Variants in PPARGC1B observed in about 807,000 individuals in gnomAD.
PPARGC1B encodes the protein PPARG coactivator 1 beta, also known as peroxisome proliferator-activated receptor gamma coactivator 1-beta.
Under a neutral mutation model 101.6 loss-of-function variants are expected in PPARGC1B, and 34 were observed. That is an observed-to-expected ratio of 0.33 (90% CI 0.25 to 0.45). The LOEUF is 0.45. Among genes scored for constraint, PPARGC1B ranks in the 20% least tolerant of loss-of-function variants. The probability of loss-of-function intolerance (pLI) is 1.00; values close to 1 mark genes in which losing one functional copy is unlikely to be tolerated. For missense variants in PPARGC1B, 1,234 were observed against 1,317.6 expected (o/e 0.94, Z 0.98); for synonymous variants, 548 against 539.3 (o/e 1.02, Z -0.22).
At chr5:149,805,014 G>T (rs1035425801) in intron 1 of PPARGC1B, among the ~76,000 whole-genome samples, 2 of 152,200 alleles carry the variant, frequency 1.3e-5, no homozygotes, top group East Asian at 1.9e-4. Context: ...CCTGGTATCC[G>T]CTCTGCCTCC....
intron 1 of PPARGC1B, among the ~76,000 whole-genome samples, chr5:149,791,313 T>C (rs546570043): frequency 6.6e-6 from 1 of 151,794 alleles, no homozygotes; most frequent in East Asian, 1.9e-4. Context: ...AAAATTTCTA[T>C]TAAAAAAACT....
chr5:149,812,419 A>G (rs1457170521), intron 1 of PPARGC1B, among the ~76,000 whole-genome samples: 1 of 151,158 alleles, frequency 6.6e-6, no homozygotes, highest in Non-Finnish European at 1.5e-5. Context: ...TTTGGAAGAC[A>G]TGGAAAGATT....
rs564048078 is a variant in PPARGC1B at position 149,837,468 on chromosome 5, G to A, written c.2618+395G>A. Among the ~76,000 whole-genome samples the A allele has an allele frequency of 6.6e-6, 1 of 152,218 alleles. No homozygotes were observed. The highest frequency in any genetic ancestry group is 2.4e-5 in the African/African-American group (1 of 41,454). ...CTGCCCCAACAGTTTGAATTCTAGG[G>A]ATGTTTATAAGTAAAAGAAAGATTA... On this transcript the variant is annotated intron_variant, in intron 8 of 11. Coordinates refer to ENST00000309241, the MANE Select transcript of PPARGC1B (RefSeq NM_133263.4). The surrounding 1 kb of genome is among the most constrained non-coding windows in gnomAD (Gnocchi z 4.2).
At chr5:149,797,441 A>G (rs59896081) in intron 1 of PPARGC1B, among the ~76,000 whole-genome samples, 4,226 of 152,338 alleles carry the variant, frequency 0.028, 181 homozygotes, top group African/African-American at 0.094. Flanking sequence ...ACAGTTGTTC[A>G]AGATATCTAC....
intron 2 of PPARGC1B, among the ~76,000 whole-genome samples, chr5:149,823,787 G>C (rs59806347): frequency 0.076 from 11,546 of 152,126 alleles, 543 homozygotes; most frequent in East Asian, 0.16. Context: ...GGAGAGGTCG[G>C]GAGAAGGAGA....
At chr5:149,754,818 G>C (rs906119465) in intron 1 of PPARGC1B, among the ~76,000 whole-genome samples, 1 of 114,044 alleles carries the variant, frequency 8.8e-6, no homozygotes, top group Admixed American at 1.2e-4. Context: ...GTCTTGCTCT[G>C]TCACCCAGGC....
At position 149,845,678 on chromosome 5, in the gene PPARGC1B, G is replaced by A. The variant is rs545381704; in HGVS notation, c.2817-82G>A. On this transcript the variant is annotated intron_variant, in intron 10 of 11. Coordinates refer to ENST00000309241, the MANE Select transcript of PPARGC1B (RefSeq NM_133263.4). Reference sequence around the variant, plus strand: ...TGGGTATCGAATCACTGTGGCAGTCGGTTCCTCATCTAGTAATGGGTGGTC... The same window carrying A: ...TGGGTATCGAATCACTGTGGCAGTCAGTTCCTCATCTAGTAATGGGTGGTC... The A allele has an allele frequency of 1.9e-5, 27 of 1,426,430 alleles. No individual in the cohort carries two copies. The African/African-American group carries it at 2.1e-4, about 11-fold the overall frequency. The allele number at this position is 1,426,430 out of a possible 1,614,324, so 88.4% of individuals were successfully genotyped here.
At position 149,842,365 on chromosome 5, in the gene PPARGC1B, C is replaced by T; in HGVS notation, c.2804C>T (p.Thr935Ile). Residue 935 changes from threonine (T) to isoleucine (I), a missense_variant, in exon 10 of 12, where the codon ACA (threonine) becomes ATA (isoleucine). Thr to Ile is a moderately conservative substitution (Grantham distance 89). Coordinates refer to ENST00000309241, the MANE Select transcript of PPARGC1B (RefSeq NM_133263.4). Reference protein sequence around the residue: ...FGEIEECEVLTRNRRGEKYGF... With the variant: ...FGEIEECEVLIRNRRGEKYGF... ...GAGATTGAGGAGTGCGAGGTGCTGA[C>T]AAGAAATAGGAGGTGAGTTGAACCA... is the stretch of plus-strand genomic sequence containing the variant. 1 of 1,613,800 alleles carries T rather than the reference C, an allele frequency of 6.2e-7. No homozygotes were observed. The highest frequency in any genetic ancestry group is 8.5e-7 in the Non-Finnish European group (1 of 1,179,822).
chr5:149,799,995 G>A (rs932527315), intron 1 of PPARGC1B, among the ~76,000 whole-genome samples: 3 of 152,004 alleles, frequency 2.0e-5, no homozygotes, highest in Admixed American at 1.3e-4. Context: ...CATTGCGCTT[G>A]GCTGGAATTG....
chr5:149,841,558 C>T (rs1344859119), intron 9 of PPARGC1B, among the ~76,000 whole-genome samples: 1 of 152,170 alleles, frequency 6.6e-6, no homozygotes, highest in Non-Finnish European at 1.5e-5. Context: ...TGTGTTTTTC[C>T]TATGGGAACA....
At chr5:149,778,439 G>T (rs554615454) in intron 1 of PPARGC1B, among the ~76,000 whole-genome samples, 1 of 152,066 alleles carries the variant, frequency 6.6e-6, no homozygotes, top group African/African-American at 2.4e-5. Context: ...CAGAAGCGGG[G>T]CTCTTGGGCT....
rs1417643051 is a variant in PPARGC1B at position 149,852,662 on chromosome 5, C to G, written c.*5104C>G. 1 of 151,634 alleles carries G rather than the reference C, an allele frequency of 6.6e-6. No homozygotes were observed. Among genetic ancestry groups the G allele is most frequent in the East Asian group, 1.9e-4 (1 of 5,198 alleles). 9.4% of individuals were successfully genotyped at this position (151,634 alleles called of 1,614,324 possible). A position where few individuals can be genotyped will look rare whatever the true frequency, so the allele number is the denominator to read the frequency against. On this transcript the variant is annotated 3_prime_UTR_variant, in exon 12 of 12. Coordinates refer to ENST00000309241, the MANE Select transcript of PPARGC1B (RefSeq NM_133263.4). ...ATAGCTGTTAATCCGAATGTTGTGA[C>G]CATTTGGCTGTTTCTCTCTTGTTCT...
chr5:149,857,659 C>T (rs1212198960), downstream of PPARGC1B, among the ~76,000 whole-genome samples: 23 of 152,178 alleles, frequency 1.5e-4, 1 homozygote, highest in Admixed American at 1.5e-3. Context: ...GAGCAGGGCC[C>T]ATGCGTCAGG....
intron 1 of PPARGC1B, among the ~76,000 whole-genome samples, chr5:149,757,752 A>C (rs570095947): frequency 6.6e-6 from 1 of 152,296 alleles, no homozygotes; most frequent in South Asian, 2.1e-4. Flanking sequence ...GGTTTCCAGA[A>C]TTGGAAAGGC....
chr5:149,768,202 G>A lies in PPARGC1B; in HGVS notation c.78+37782G>A, dbSNP rs530893305. On this transcript the variant is annotated intron_variant, in intron 1 of 11. Transcript: ENST00000309241. ...TTCCGCCTTGATTTTAATCCAGAAC[G>A]TATGGAGATTTGAAGTTGTCACAAA... Among the ~76,000 whole-genome samples, 19 of 152,278 alleles carry A rather than the reference G, an allele frequency of 1.2e-4. No homozygotes were observed. In the South Asian group the frequency reaches 2.3e-3, roughly 18 times the overall value.
chr5:149,772,999 A>G (rs979797030), intron 1 of PPARGC1B, among the ~76,000 whole-genome samples: 37 of 152,030 alleles, frequency 2.4e-4, no homozygotes, highest in Non-Finnish European at 4.9e-4. Flanking sequence ...GCGTTGCAGG[A>G]GGTGTTTGGG....
intron 1 of PPARGC1B, among the ~76,000 whole-genome samples, chr5:149,784,800 C>T (rs1756739442): frequency 1.3e-5 from 2 of 151,950 alleles, no homozygotes; most frequent in Non-Finnish European, 2.9e-5. Flanking sequence ...ATCTCCTGAC[C>T]TTGTCATCCG....
At chr5:149,749,943 G>A (rs767493240) in intron 1 of PPARGC1B, among the ~76,000 whole-genome samples, 1 of 152,176 alleles carries the variant, frequency 6.6e-6, no homozygotes, top group African/African-American at 2.4e-5. Flanking sequence ...ACTAGTTCCT[G>A]GAGACAGATG....
At chr5:149,821,550 T>C (rs765022589) in intron 2 of PPARGC1B, among the ~76,000 whole-genome samples, 7 of 152,174 alleles carry the variant, frequency 4.6e-5, no homozygotes, top group African/African-American at 1.2e-4. Context: ...CTCATAAAGA[T>C]TGGGGGCAGA....
Sources: gnomAD v4.1 joint callset for allele counts (sites outside exome capture counted in the v4.1 genomes callset) on GRCh38, gnomAD v4.1.1 for gene constraint, Gnocchi (gnomAD v3.1) non-coding constraint, MANE v1.5 for transcripts, NCBI Gene and HGNC (gene_info 2026-07-23, HGNC 2026-07-21) for gene names.